Variants in SLC35D2 observed in about 807,000 individuals in gnomAD.
SLC35D2 encodes solute carrier family 35 member D2, also known as nucleotide sugar transporter SLC35D2.
Under a neutral mutation model 41.8 loss-of-function variants are expected in SLC35D2, and 43 were observed. That is an observed-to-expected ratio of 1.03 (90% CI 0.81 to 1.33). The LOEUF (loss-of-function observed/expected upper bound fraction) is 1.33, where lower values mean the gene tolerates loss of function less well. Ranked by LOEUF, SLC35D2 falls within the 40% of genes most tolerant of loss-of-function variation. The probability of loss-of-function intolerance (pLI) is 0.00; values close to 1 mark genes in which losing one functional copy is unlikely to be tolerated. For missense variants in SLC35D2, 380 were observed against 408.4 expected (o/e 0.93, Z 0.60); for synonymous variants, 150 against 163.9 (o/e 0.92, Z 0.65).
At chr9:96,337,262 G>C (rs771962870) in intron 8 of SLC35D2, among the ~76,000 whole-genome samples, 5 of 151,962 alleles carry the variant, frequency 3.3e-5, no homozygotes, top group Non-Finnish European at 4.4e-5. Context: ...ACCCAGGCTG[G>C]AGTGCAGTGG....
chr9:96,345,399 G>A lies in SLC35D2; in HGVS notation c.491C>T (p.Ser164Phe). The A allele has an allele frequency of 6.4e-7, 1 of 1,556,344 alleles. No individual in the cohort carries two copies. ...IILGAFIAAG[S>F]DLAFNLEGYI... is the part of the protein sequence containing the mutation. The stretch of plus-strand genomic sequence containing the variant: ...GCCTTCTAAGTTAAAAGCAAGGTCA[G>A]ACCTGGGAGGGAGACCACAAAGGGA... The change falls in exon 7 of 12, where the codon TCT (serine) becomes TTT (phenylalanine). Residue 164 changes from serine to phenylalanine, a missense_variant and splice_region_variant. Coordinates refer to ENST00000253270, the MANE Select transcript of SLC35D2 (RefSeq NM_007001.3).
intron 1 of SLC35D2, among the ~76,000 whole-genome samples, chr9:96,370,772 A>C (rs919560206): frequency 6.6e-6 from 1 of 152,198 alleles, no homozygotes; most frequent in Non-Finnish European, 1.5e-5. Context: ...AAGAGAAGGA[A>C]GTCTTGCTAA....
At chr9:96,320,276 G>T (rs903481321), downstream of SLC35D2, among the ~76,000 whole-genome samples, 1 of 152,218 alleles carries the variant, frequency 6.6e-6, no homozygotes, top group African/African-American at 2.4e-5. Context: ...CACTTTAGGA[G>T]GCCAAGGTGG....
At chr9:96,360,928 A>G (rs1344916288) in intron 3 of SLC35D2, among the ~76,000 whole-genome samples, 1 of 151,922 alleles carries the variant, frequency 6.6e-6, no homozygotes, top group Non-Finnish European at 1.5e-5. Context: ...TTTTTAGTAG[A>G]GATGGGATTT....
chr9:96,377,096 G>A (rs1469339836), intron 1 of SLC35D2, among the ~76,000 whole-genome samples: 1 of 151,476 alleles, frequency 6.6e-6, no homozygotes, highest in Non-Finnish European at 1.5e-5. Context: ...ACAATGCCAG[G>A]AGGCACAGTC....
chr9:96,377,739 G>A (rs1439405271), intron 1 of SLC35D2, among the ~76,000 whole-genome samples: 1 of 152,206 alleles, frequency 6.6e-6, no homozygotes, highest in South Asian at 2.1e-4. Flanking sequence ...TTCAGTGTGT[G>A]GGCCCTGAAG....
exon 12 of SLC35D2, chr9:96,314,837 C>G (rs1407494112): frequency 2.0e-5 from 3 of 152,140 alleles, no homozygotes; most frequent in Non-Finnish European, 4.4e-5. Flanking sequence ...TCCCCAGGAA[C>G]CGAGAAGAGA....
chr9:96,340,566 G>A (rs1290199482), intron 8 of SLC35D2, among the ~76,000 whole-genome samples: 1 of 125,592 alleles, frequency 8.0e-6, no homozygotes, highest in Non-Finnish European at 1.6e-5. Flanking sequence ...GTTGCAGTGA[G>A]TCGAGATCAT....
chr9:96,366,025 C>T (rs1830458971), intron 2 of SLC35D2, among the ~76,000 whole-genome samples: 1 of 152,138 alleles, frequency 6.6e-6, no homozygotes, highest in African/African-American at 2.4e-5. Context: ...TAACATTGGC[C>T]AGGCGCAGTG....
At chr9:96,340,319 T>G (rs2130894543) in intron 8 of SLC35D2, among the ~76,000 whole-genome samples, 1 of 152,246 alleles carries the variant, frequency 6.6e-6, no homozygotes, top group Admixed American at 6.5e-5. Flanking sequence ...ACAATACTTT[T>G]AAAAACTAGT....
At chr9:96,365,154 G>T (rs1164954648) in intron 2 of SLC35D2, among the ~76,000 whole-genome samples, 2 of 151,578 alleles carry the variant, frequency 1.3e-5, no homozygotes, top group Non-Finnish European at 1.5e-5. Flanking sequence ...AGGAGCTCCA[G>T]ACCAGCCTAA....
intron 3 of SLC35D2, among the ~76,000 whole-genome samples, chr9:96,363,492 G>A (rs1057405334): frequency 6.6e-6 from 1 of 152,190 alleles, no homozygotes; most frequent in Admixed American, 6.5e-5. Flanking sequence ...ACCACCTGTT[G>A]TATGGGACTG....
Position 96,383,603 on chromosome 9 carries a change from C to CCCTCGG in SLC35D2, c.26_31dup (p.Ala9_Glu10dup), listed in dbSNP as rs767857232. On this transcript the variant is annotated inframe_insertion, in exon 1 of 12. Coordinates refer to ENST00000253270, the MANE Select transcript of SLC35D2 (RefSeq NM_007001.3). ...CGCCGCGCCGGGCTCCCCGCCAGCGCCCTCGGCCTCGGCCTGGCCGCCGGC... is the reference window on the plus strand; with the variant it reads ...CGCCGCGCCGGGCTCCCCGCCAGCGCCCTCGGCCTCGGCCTCGGCCTGGCCGCCGGC... 3.5e-3 allele frequency: 4,759 copies of CCCTCGG among 1,346,376 alleles called. 104 individuals carry two copies. In the African/African-American group the frequency reaches 0.051, roughly 14 times the overall value. 83.4% of individuals were successfully genotyped at this position (1,346,376 alleles called of 1,614,324 possible).
chr9:96,316,530 C>T (rs1828057291), downstream of SLC35D2, among the ~76,000 whole-genome samples: 1 of 151,716 alleles, frequency 6.6e-6, no homozygotes, highest in African/African-American at 2.4e-5. Context: ...GGACCAACAG[C>T]CTGGGGTGGC....
intron 2 of SLC35D2, among the ~76,000 whole-genome samples, chr9:96,365,040 C>CAAAAA (rs59249417): frequency 4.0e-5 from 2 of 49,384 alleles, no homozygotes; most frequent in Admixed American, 2.3e-4. Context: ...ACCACTGTCT[C>CAAAAA]AAAAAAAAAA....
intron 9 of SLC35D2, among the ~76,000 whole-genome samples, chr9:96,327,515 G>A (rs377352540): frequency 9.9e-5 from 15 of 152,202 alleles, no homozygotes; most frequent in African/African-American, 3.4e-4. Context: ...GCCAAGGGAG[G>A]AGAATCCCTC....
At chr9:96,372,401 C>G (rs987239417) in intron 1 of SLC35D2, among the ~76,000 whole-genome samples, 3 of 151,924 alleles carry the variant, frequency 2.0e-5, no homozygotes, top group Admixed American at 6.6e-5. Context: ...GTATGTATTG[C>G]ATGAGCCTTG....
intron 7 of SLC35D2, 56 bp downstream of exon 7, chr9:96,345,243 A>T (rs1344084748): frequency 8.1e-6 from 7 of 859,398 alleles, no homozygotes; most frequent in Non-Finnish European, 1.3e-5. Context: ...TTCATTTTTC[A>T]TATAATTCTA....
chr9:96,352,076 G>T lies in SLC35D2; in HGVS notation c.381C>A (p.Thr127=), dbSNP rs367806949. The change falls in exon 5 of 12, where the codon ACC becomes ACA. Residue 127 remains threonine, a synonymous_variant. Transcript: ENST00000253270. The stretch of plus-strand genomic sequence containing the variant: ...TTTCCAGAAGTAAGGTAAGTGGAAT[G>T]GTGAATTTCCTGAGCACGGTGAACA... ...LPMFTVLRKF[T]IPLTLLLETI... is the part of the protein sequence containing the mutation. The T allele has an allele frequency of 3.7e-6, 6 of 1,612,418 alleles. No individual in the cohort carries two copies. The highest frequency in any genetic ancestry group is 4.2e-6 in the Non-Finnish European group (5 of 1,179,158).
Sources: allele counts gnomAD v4.1 joint callset (sites outside exome capture counted in the v4.1 genomes callset), GRCh38; gene constraint gnomAD v4.1.1; transcripts MANE v1.5; gene names NCBI Gene and HGNC (gene_info 2026-07-23, HGNC 2026-07-21).